NEK1: variants seen among roughly 807,000 people sequenced by gnomAD.
NEK1 encodes NIMA related kinase 1.
Under a neutral mutation model 182.1 loss-of-function variants are expected in NEK1, and 137 were observed. That is an observed-to-expected ratio of 0.75 (90% confidence interval 0.65 to 0.87). NEK1 has a LOEUF of 0.87. NEK1 is among the 40% of genes least tolerant of loss of function. The pLI, the probability that NEK1 is intolerant of heterozygous loss-of-function variation, is 0.00. For synonymous variants in NEK1, 513 were observed against 492.2 expected (o/e 1.04, Z -0.56); for missense variants, 1,391 against 1,494.4 (o/e 0.93, Z 1.14).
At chr4:169,570,589 T>C (rs1764633782) in intron 12 of NEK1, among the ~76,000 whole-genome samples, 1 of 149,938 alleles carries the variant, frequency 6.7e-6, no homozygotes, top group Non-Finnish European at 1.5e-5. Flanking sequence ...AGCCGCCCCG[T>C]CCAGGAGGTG....
At chr4:169,551,524 T>C (rs1761422417) in intron 18 of NEK1, among the ~76,000 whole-genome samples, 1 of 152,198 alleles carries the variant, frequency 6.6e-6, no homozygotes, top group African/African-American at 2.4e-5. Flanking sequence ...GAATCTTATG[T>C]AGATATTAAA....
intron 18 of NEK1, among the ~76,000 whole-genome samples, chr4:169,552,829 T>C (rs1424763628): frequency 6.6e-6 from 1 of 152,072 alleles, no homozygotes; most frequent in Non-Finnish European, 1.5e-5. Context: ...AAACACATTA[T>C]CACTTTCATT....
intron 12 of NEK1, among the ~76,000 whole-genome samples, chr4:169,573,782 T>G (rs1765242878): frequency 6.6e-6 from 1 of 152,186 alleles, no homozygotes; most frequent in Non-Finnish European, 1.5e-5. Context: ...GAGTTGTTAT[T>G]ATTGATAATA....
At chr4:169,451,752 C>G (rs1313022126) in intron 27 of NEK1, among the ~76,000 whole-genome samples, 1 of 152,110 alleles carries the variant, frequency 6.6e-6, no homozygotes, top group Admixed American at 6.5e-5. Flanking sequence ...CAAACAAATT[C>G]AAAAGCTAGC....
intron 2 of NEK1, among the ~76,000 whole-genome samples, chr4:169,607,999 TATC>T (rs970656733): frequency 3.9e-5 from 6 of 151,954 alleles, no homozygotes; most frequent in African/African-American, 1.5e-4. Context: ...GAAGACTTAA[TATC>T]ATAAAGATTT....
intron 23 of NEK1, among the ~76,000 whole-genome samples, chr4:169,491,231 G>A (rs1750036166): frequency 6.6e-6 from 1 of 151,404 alleles, no homozygotes; most frequent in South Asian, 2.1e-4. Context: ...CAAGTCTTGG[G>A]AGTGATATGG....
Position 169,474,992 on chromosome 4 carries a change from G to A in NEK1, c.2434+2132C>T, listed in dbSNP as rs117357365. 1.6e-4 allele frequency among the ~76,000 whole-genome samples: 24 copies of A among 152,194 alleles called. No homozygotes were observed. In the East Asian group the frequency reaches 4.6e-3, roughly 29 times the overall value. On this transcript the variant is annotated intron_variant, in intron 26 of 35. Coordinates refer to ENST00000507142, the MANE Select transcript of NEK1 (RefSeq NM_001199397.3). ...TATGAGACAGCAGTTTCAAGACATT[G>A]TACAACAGGTAATAAAGAACATGGG... is the stretch of plus-strand genomic sequence containing the variant.
At chr4:169,444,991 C>G (rs751875830) in intron 27 of NEK1, among the ~76,000 whole-genome samples, 4 of 152,112 alleles carry the variant, frequency 2.6e-5, no homozygotes, top group Non-Finnish European at 5.9e-5. Flanking sequence ...GCAACATGCT[C>G]CTGAGCAAAC....
chr4:169,425,046 G>C (rs1340109822), intron 30 of NEK1, among the ~76,000 whole-genome samples: 1 of 152,156 alleles, frequency 6.6e-6, no homozygotes, highest in Non-Finnish European at 1.5e-5. Context: ...CTACAATACA[G>C]ACACAAGGGT....
At chr4:169,548,719 G>A (rs1484530641) in intron 18 of NEK1, among the ~76,000 whole-genome samples, 3 of 152,222 alleles carry the variant, frequency 2.0e-5, no homozygotes, top group African/African-American at 7.2e-5. Context: ...TTGATGAGCT[G>A]CGGTGGGCTC....
intron 5 of NEK1, among the ~76,000 whole-genome samples, chr4:169,591,388 CAGG>C (rs1002930012): frequency 1.1e-4 from 16 of 152,016 alleles, no homozygotes; most frequent in African/African-American, 3.6e-4. Flanking sequence ...CTCCTGGTCT[CAGG>C]AGTTCCTGAG....
At chr4:169,600,989 A>G (rs1770399538) in intron 4 of NEK1, among the ~76,000 whole-genome samples, 1 of 152,236 alleles carries the variant, frequency 6.6e-6, no homozygotes. Flanking sequence ...AACAACAACA[A>G]AAAAAGAAAC....
chr4:169,611,233 A>G (rs912854052), intron 2 of NEK1, among the ~76,000 whole-genome samples: 5 of 152,310 alleles, frequency 3.3e-5, no homozygotes, highest in South Asian at 2.1e-4. Flanking sequence ...AAGTCCGACG[A>G]CCTTTATTAA....
intron 31 of NEK1, among the ~76,000 whole-genome samples, chr4:169,423,466 C>T (rs2111320661): frequency 6.6e-6 from 1 of 151,554 alleles, no homozygotes. Flanking sequence ...CTTTTACAGG[C>T]TAAAATAAAA....
intron 16 of NEK1, among the ~76,000 whole-genome samples, chr4:169,558,260 T>C (rs1762425732): frequency 6.6e-6 from 1 of 152,228 alleles, no homozygotes; most frequent in African/African-American, 2.4e-5. Context: ...TTGAAAATAC[T>C]ATATGAGAAT....
chr4:169,450,734 A>G (rs2149464612), intron 27 of NEK1, among the ~76,000 whole-genome samples: 1 of 152,374 alleles, frequency 6.6e-6, no homozygotes, highest in Non-Finnish European at 1.5e-5. Flanking sequence ...TGATGCTATG[A>G]AGAAACTGCA....
At chr4:169,580,964 C>T (rs1766539137) in intron 10 of NEK1, 62 bp from the exon 11 acceptor site, 2 of 857,002 alleles carry the variant, frequency 2.3e-6, no homozygotes, top group Non-Finnish European at 3.6e-6. Flanking sequence ...AAAACCTACC[C>T]ATTAATTATA....
rs778591595 is a variant in NEK1 at position 169,507,783 on chromosome 4, T to C, written c.1843A>G (p.Asn615Asp). The C allele has an allele frequency of 1.2e-6, 2 of 1,612,534 alleles. No individual in the cohort carries two copies. The highest frequency in any genetic ancestry group is 1.7e-5 in the Admixed American group (1 of 59,998). Residue 615 changes from asparagine to aspartate, a missense_variant, in exon 22 of 36, where the codon AAT (asparagine) becomes GAT (aspartate). This residue lies in a region of NEK1 where 1,216 missense variants were observed against 1,277.6 expected (regional missense o/e 0.95). Coordinates refer to ENST00000507142, the MANE Select transcript of NEK1 (RefSeq NM_001199397.3). Reference protein sequence around the residue: ...AKLRGEKKEANHSEGQEGSEE... With the variant: ...AKLRGEKKEADHSEGQEGSEE... ...CTTCCTTCTTGTCCTTCAGAATGAT[T>C]AGCTTCTTTCTACAAAATAAGTAGA...
chr4:169,478,658 A>G (rs2149554672), intron 24 of NEK1, among the ~76,000 whole-genome samples: 1 of 152,288 alleles, frequency 6.6e-6, no homozygotes, highest in South Asian at 2.1e-4. Context: ...GCAAATATTT[A>G]CTGAAACTAA....
Sources: gnomAD v4.1 joint callset for allele counts (sites outside exome capture counted in the v4.1 genomes callset) on GRCh38, gnomAD v4.1.1 for gene constraint, gnomAD v4.1.1 regional missense constraint, MANE v1.5 for transcripts, NCBI Gene and HGNC (gene_info 2026-07-23, HGNC 2026-07-21) for gene names.